COX5A: variants seen among roughly 807,000 people sequenced by gnomAD.
COX5A encodes the protein cytochrome c oxidase subunit 5A, mitochondrial.
A neutral mutation model predicts 16.1 loss-of-function variants in COX5A; 6 were observed. The ratio of observed to expected loss-of-function variants is 0.37; its 90% CI spans 0.20 to 0.73. The LOEUF (loss-of-function observed/expected upper bound fraction) is 0.73. Ranked by LOEUF, COX5A falls within the 30% of genes least tolerant of loss-of-function variation. The pLI is 0.50. For synonymous variants in COX5A, 73 were observed against 73.8 expected (o/e 0.99, Z 0.06); for missense variants, 159 against 194.9 (o/e 0.82, Z 1.10).
chr15:74,936,727 A>G (rs1028503583), intron 1 of COX5A, among the ~76,000 whole-genome samples: 2 of 148,882 alleles, frequency 1.3e-5, no homozygotes, highest in African/African-American at 5.0e-5. Flanking sequence ...CTCAGGTTCA[A>G]GCGATTCTTG....
At chr15:74,924,282 T>TA (rs1050625928) in intron 3 of COX5A, among the ~76,000 whole-genome samples, 4 of 152,032 alleles carry the variant, frequency 2.6e-5, no homozygotes, top group African/African-American at 9.7e-5. Flanking sequence ...CTCATGCCTG[T>TA]AATTCCAGCA....
At chr15:74,931,496 G>A (rs1291337430) in intron 1 of COX5A, among the ~76,000 whole-genome samples, 1 of 151,422 alleles carries the variant, frequency 6.6e-6, no homozygotes, top group Non-Finnish European at 1.5e-5. Context: ...GCAAGACTCT[G>A]TCTCAAAGAA....
At chr15:74,926,727 TCA>T in intron 3 of COX5A, 37 bp downstream of exon 3, 4 of 1,587,022 alleles carry the variant, frequency 2.5e-6, no homozygotes, top group Non-Finnish European at 3.4e-6. Flanking sequence ...AATAGCCCAC[TCA>T]TTTACAGAAC....
intron 1 of COX5A, 144 bp downstream of exon 1, chr15:74,937,771 G>T: frequency 2.1e-6 from 1 of 465,240 alleles, no homozygotes; most frequent in Non-Finnish European, 3.4e-6. Context: ...TCGAGGCGGC[G>T]GGCAGGGCGG....
At chr15:74,928,097 A>AG (rs2065351568) in intron 2 of COX5A, among the ~76,000 whole-genome samples, 1 of 152,218 alleles carries the variant, frequency 6.6e-6, no homozygotes, top group Non-Finnish European at 1.5e-5. Flanking sequence ...GAATCATTAC[A>AG]TTTCTGCAGA....
chr15:74,937,919 G>A lies in COX5A; in HGVS notation c.96C>T (p.Ala32=), dbSNP rs889282977. Residue 32 remains alanine, a synonymous_variant, in exon 1 of 5, where the codon GCC becomes GCT. Transcript: ENST00000322347. ...LLHSARTPGP[A]VAIQSVRCYS... is the part of the protein sequence containing the mutation. ...AGTGGCAAGCAGGGGCCTTACCCAC[G>A]GCGGGGCCGGGGGTCCGGGCGGAGT... 15 of 1,231,862 alleles carry A rather than the reference G, an allele frequency of 1.2e-5. No homozygotes were observed. The highest frequency in any genetic ancestry group is 1.5e-5 in the Non-Finnish European group (15 of 986,806). 76.3% of individuals were successfully genotyped at this position (1,231,862 alleles called of 1,614,324 possible).
intron 2 of COX5A, 67 bp from the exon 3 acceptor site, chr15:74,926,954 A>G: frequency 1.3e-6 from 2 of 1,526,088 alleles, no homozygotes; most frequent in Non-Finnish European, 1.8e-6. Context: ...AGTTATTTAT[A>G]TTTTTACTGA....
chr15:74,937,361 T>C (rs2065395672), intron 1 of COX5A, among the ~76,000 whole-genome samples: 1 of 152,226 alleles, frequency 6.6e-6, no homozygotes, highest in African/African-American at 2.4e-5. Context: ...CACTTCCATC[T>C]ATTTTAAACG....
chr15:74,930,169 C>CA (rs750100905), intron 1 of COX5A, among the ~76,000 whole-genome samples: 31 of 152,194 alleles, frequency 2.0e-4, no homozygotes, highest in Middle Eastern at 3.4e-3. Flanking sequence ...CCTGTAATCC[C>CA]AGCACTTTGG....
rs138163572 is a variant in COX5A at position 74,922,475 on chromosome 15, C to G, written c.*9+1173G>C. Among the ~76,000 whole-genome samples the G allele has an allele frequency of 2.7e-3, 405 of 151,752 alleles. 3 individuals carry two copies. Among genetic ancestry groups the G allele is most frequent in the African/African-American group, 9.4e-3 (391 of 41,416 alleles). ...AACAGGAAGACTGAATATAAAAATT[C>G]CTTGAATTCTGAATATTTTTCTTTC... On this transcript the variant is annotated intron_variant, in intron 4 of 4. Coordinates refer to ENST00000322347, the MANE Select transcript of COX5A (RefSeq NM_004255.4).
At chr15:74,928,236 T>C (rs974501323) in intron 2 of COX5A, among the ~76,000 whole-genome samples, 2 of 152,222 alleles carry the variant, frequency 1.3e-5, no homozygotes, top group Non-Finnish European at 2.9e-5. Flanking sequence ...CCTAATTCTA[T>C]TTTTTCATGT....
intron 1 of COX5A, among the ~76,000 whole-genome samples, chr15:74,932,952 T>C (rs981911607): frequency 2.6e-5 from 4 of 151,786 alleles, no homozygotes; most frequent in African/African-American, 9.7e-5. Flanking sequence ...TGCCTCGGCC[T>C]CCCAAAGTGC....
rs1566976204 is a variant in COX5A at position 74,920,053 on chromosome 15, C to A, written c.*399G>T. The A allele has an allele frequency of 3.0e-6, 1 of 330,676 alleles. No homozygotes were observed. The highest frequency in any genetic ancestry group is 5.4e-6 in the Non-Finnish European group (1 of 183,874). The allele number at this position is 330,676 out of a possible 1,614,324, so 20.5% of individuals were successfully genotyped here. ...CCCCACAGACAACCAGTCCCCTAAG[C>A]CTAGGGTGTCAACAAGAAAATTCTA... On this transcript the variant is annotated 3_prime_UTR_variant, in exon 5 of 5. Coordinates refer to ENST00000322347, the MANE Select transcript of COX5A (RefSeq NM_004255.4).
chr15:74,931,329 C>T (rs1202755650), intron 1 of COX5A, among the ~76,000 whole-genome samples: 3 of 151,842 alleles, frequency 2.0e-5, no homozygotes, highest in Non-Finnish European at 4.4e-5. Context: ...TGTGAAACTC[C>T]GTCTCTACTA....
intron 1 of COX5A, among the ~76,000 whole-genome samples, chr15:74,933,545 G>C (rs1273449687): frequency 6.6e-6 from 1 of 152,240 alleles, no homozygotes; most frequent in African/African-American, 2.4e-5. Context: ...ACTAGCCTCG[G>C]AGACAGAGTG....
At chr15:74,925,865 CCTTT>C (rs573416685) in intron 3 of COX5A, among the ~76,000 whole-genome samples, 149 of 150,308 alleles carry the variant, frequency 9.9e-4, no homozygotes, top group African/African-American at 3.4e-3. Context: ...TTGATAAATT[CCTTT>C]CTTTTTTTTT....
chr15:74,925,863 T>C (rs2065340807), intron 3 of COX5A, among the ~76,000 whole-genome samples: 1 of 151,480 alleles, frequency 6.6e-6, no homozygotes, highest in African/African-American at 2.4e-5. Flanking sequence ...CCTTGATAAA[T>C]TCCTTTCTTT....
intron 4 of COX5A, among the ~76,000 whole-genome samples, chr15:74,922,213 C>T (rs1448317182): frequency 2.0e-5 from 3 of 151,580 alleles, no homozygotes; most frequent in Admixed American, 6.6e-5. Context: ...ATGGTGAAAC[C>T]GTCTCTACTA....
chr15:74,925,364 A>G (rs889308216), intron 3 of COX5A, among the ~76,000 whole-genome samples: 1 of 152,056 alleles, frequency 6.6e-6, no homozygotes, highest in Admixed American at 6.6e-5. Context: ...ATTAGTATAT[A>G]TCCTCCTATG....
Sources: gnomAD v4.1 joint callset for allele counts (sites outside exome capture counted in the v4.1 genomes callset) on GRCh38, gnomAD v4.1.1 for gene constraint, MANE v1.5 for transcripts, NCBI Gene and HGNC (gene_info 2026-07-23, HGNC 2026-07-21) for gene names.